The following SLC38A1 variants were observed in gnomAD, a reference collection of about 807,000 sequenced individuals.
The protein encoded by SLC38A1 is solute carrier family 38 member 1, also known as sodium-coupled neutral amino acid symporter 1.
In SLC38A1, 18 loss-of-function variants were observed where a neutral mutation model predicts 60.3. The observed-to-expected ratio is 0.30, with a 90% CI of 0.21 to 0.44. The LOEUF (loss-of-function observed/expected upper bound fraction) is 0.44, where lower values mean the gene tolerates loss of function less well. Among genes scored for constraint, SLC38A1 ranks in the 20% least tolerant of loss-of-function variants. The pLI, the probability that SLC38A1 is intolerant of heterozygous loss-of-function variation, is 1.00. For synonymous variants in SLC38A1, 196 were observed against 212.1 expected, an observed-to-expected ratio of 0.92 and a Z score of 0.66; for missense variants, 448 against 587.2, an observed-to-expected ratio of 0.76 and a Z score of 2.45.
rs1025520182 is a variant in SLC38A1 at position 46,198,552 on chromosome 12, C to T, written c.1122+73G>A. ...AGTTACCTGGGGCAGGCTTTCTCTG[C>T]AACGGGCTCCTGCAGGCAGAAGGAA... is the stretch of plus-strand genomic sequence containing the variant. On this transcript the variant is annotated intron_variant, in intron 14 of 16. Coordinates refer to ENST00000398637, the MANE Select transcript of SLC38A1 (RefSeq NM_030674.4). 4 of 1,015,032 alleles carry T rather than the reference C, an allele frequency of 3.9e-6. No individual in the cohort carries two copies. In the African/African-American group the frequency reaches 6.5e-5, roughly 17 times the overall value. 62.9% of individuals were successfully genotyped at this position (1,015,032 alleles called of 1,614,324 possible).
chr12:46,220,582 G>A (rs751064960), intron 5 of SLC38A1, among the ~76,000 whole-genome samples: 5 of 152,234 alleles, frequency 3.3e-5, no homozygotes, highest in Non-Finnish European at 7.3e-5. Flanking sequence ...ACTTAGGAAT[G>A]CACAGAGGAG....
At position 46,268,558 on chromosome 12, in the gene SLC38A1, G is replaced by C. The variant is rs888048908; in HGVS notation, c.-241C>G. The C allele has an allele frequency of 6.0e-6, 1 of 165,804 alleles. No individual in the cohort carries two copies. Among genetic ancestry groups the C allele is most frequent in the African/African-American group, 2.4e-5 (1 of 41,998 alleles). 10.3% of individuals were successfully genotyped at this position (165,804 alleles called of 1,614,324 possible). A position where few individuals can be genotyped will look rare whatever the true frequency, so the allele number is the denominator to read the frequency against. On this transcript the variant is annotated 5_prime_UTR_variant, in exon 1 of 17. The change creates a new upstream start codon in the 5' untranslated region. Coordinates refer to ENST00000398637, the MANE Select transcript of SLC38A1 (RefSeq NM_030674.4). This position sits in a 1 kb window ranked among gnomAD's most constrained non-coding sequence, Gnocchi z 4.4. ...AATAAAGGGAAAGGTGGCAAAAGGC[G>C]ATGTGGAGGTGTCCGCCCTTCCGGG...
At chr12:46,249,168 A>AG (rs1555191159) in intron 1 of SLC38A1, among the ~76,000 whole-genome samples, 1 of 126,442 alleles carries the variant, frequency 7.9e-6, no homozygotes. Context: ...AAAAAAAAAA[A>AG]AAAAAAAGAA....
intron 12 of SLC38A1, among the ~76,000 whole-genome samples, chr12:46,202,772 G>A (rs1301498918): frequency 6.6e-6 from 1 of 152,174 alleles, no homozygotes; most frequent in African/African-American, 2.4e-5. Flanking sequence ...AGCCCACATG[G>A]TTGGCTACTT....
rs1290623379 is a variant in SLC38A1 at position 46,185,737 on chromosome 12, C to T, written c.*3233G>A. ...AGCAGAGTTACCAGCTGAGGGATGT[C>T]CCTGGAGGTTTCTGACCCATGAGAG... On this transcript the variant is annotated 3_prime_UTR_variant, in exon 17 of 17. Coordinates refer to ENST00000398637, the MANE Select transcript of SLC38A1 (RefSeq NM_030674.4). 6.6e-6 allele frequency: 1 copy of T among 152,168 alleles called. No homozygotes were observed. Among genetic ancestry groups the T allele is most frequent in the Non-Finnish European group, 1.5e-5 (1 of 68,148 alleles). The allele number at this position is 152,168 out of a possible 1,614,324, so 9.4% of individuals were successfully genotyped here. A position where few individuals can be genotyped will look rare whatever the true frequency, so the allele number is the denominator to read the frequency against.
rs147062204 is a variant in SLC38A1, at chr12:46,223,198, T to G, written c.314+5955A>C. Among the ~76,000 whole-genome samples the G allele has an allele frequency of 2.6e-3, 389 of 152,320 alleles. 1 individual carries two copies. Among genetic ancestry groups the G allele is most frequent in the African/African-American group, 8.9e-3 (371 of 41,564 alleles). On this transcript the variant is annotated intron_variant, in intron 5 of 16. Transcript: ENST00000398637. ...AGCCTGGATGGGACGCTGGCTCCCC[T>G]ACTTTCTAATGTGTGATCACAGGTA...
At position 46,186,771 on chromosome 12, in the gene SLC38A1, T is replaced by A. The variant is rs1197392399; in HGVS notation, c.*2199A>T. 2 of 152,158 alleles carry A rather than the reference T, an allele frequency of 1.3e-5. No individual in the cohort carries two copies. The highest frequency in any genetic ancestry group is 4.8e-5 in the African/African-American group (2 of 41,434). 9.4% of individuals were successfully genotyped at this position (152,158 alleles called of 1,614,324 possible). On this transcript the variant is annotated 3_prime_UTR_variant, in exon 17 of 17. Transcript: ENST00000398637. ...AGAGGCCCAAAAATATCACTACACA[T>A]CCCAGTTAATGATAAGGTTCTAAAT...
intron 9 of SLC38A1, among the ~76,000 whole-genome samples, chr12:46,205,225 C>T (rs1215624182): frequency 6.6e-6 from 1 of 152,038 alleles, no homozygotes; most frequent in East Asian, 1.9e-4. Context: ...GAGCTTTTCT[C>T]TACTTAACTG....
At position 46,229,653 on chromosome 12, in the gene SLC38A1, C is replaced by T. The variant is rs766157424; in HGVS notation, c.123-14G>A. On this transcript the variant is annotated splice_polypyrimidine_tract_variant and intron_variant, in intron 3 of 16. Transcript: ENST00000398637. ...GAAATAAACTTGCTGTAAAGACATG[C>T]GTAATATATTTAACCTTATGATAAT... is the stretch of plus-strand genomic sequence containing the variant. 20 of 1,603,214 alleles carry T rather than the reference C, an allele frequency of 1.2e-5. No individual in the cohort carries two copies. Among genetic ancestry groups the T allele is most frequent in the South Asian group, 4.4e-5 (4 of 90,784 alleles).
At chr12:46,199,203 C>T (rs2137004425) in intron 13 of SLC38A1, among the ~76,000 whole-genome samples, 1 of 151,944 alleles carries the variant, frequency 6.6e-6, no homozygotes, top group Admixed American at 6.6e-5. Context: ...CTTCAAGTGG[C>T]CAAGCAGCAG....
intron 1 of SLC38A1, among the ~76,000 whole-genome samples, chr12:46,263,102 A>T (rs1001359847): frequency 6.6e-6 from 1 of 152,218 alleles, no homozygotes; most frequent in Non-Finnish European, 1.5e-5. Flanking sequence ...GGAGCTTTAA[A>T]AAAATAAAAG....
chr12:46,215,930 C>T (rs908780718), intron 5 of SLC38A1, among the ~76,000 whole-genome samples: 1 of 152,188 alleles, frequency 6.6e-6, no homozygotes, highest in Non-Finnish European at 1.5e-5. Flanking sequence ...ACAGCCCTCA[C>T]TCCAAAACTT....
At chr12:46,232,215 C>G (rs955269375) in intron 3 of SLC38A1, among the ~76,000 whole-genome samples, 2 of 152,210 alleles carry the variant, frequency 1.3e-5, no homozygotes, top group African/African-American at 4.8e-5. Context: ...AAACCTTGGT[C>G]TCTTGAAACA....
chr12:46,189,094 G>T, intron 16 of SLC38A1, 23 bp from the exon 17 acceptor site: 1 of 1,599,584 alleles, frequency 6.3e-7, no homozygotes. Context: ...AAAGGCAAGG[G>T]TTATTTTCAG....
intron 5 of SLC38A1, among the ~76,000 whole-genome samples, chr12:46,210,561 C>T (rs1189847218): frequency 6.6e-6 from 1 of 152,198 alleles, no homozygotes; most frequent in Non-Finnish European, 1.5e-5. Flanking sequence ...TGTGTCCCCA[C>T]CGAAATCTCA....
intron 5 of SLC38A1, among the ~76,000 whole-genome samples, chr12:46,225,877 G>A (rs1000365559): frequency 1.3e-5 from 2 of 152,116 alleles, no homozygotes; most frequent in Non-Finnish European, 2.9e-5. Context: ...TTACACAAAT[G>A]GCCCTGTTTC....
At chr12:46,211,908 A>C (rs1940188874) in intron 5 of SLC38A1, among the ~76,000 whole-genome samples, 1 of 151,646 alleles carries the variant, frequency 6.6e-6, no homozygotes, top group South Asian at 2.1e-4. Context: ...ATAAAGCAAA[A>C]CCCCCTTTTC....
At chr12:46,260,817 A>G (rs1308385858) in intron 1 of SLC38A1, among the ~76,000 whole-genome samples, 1 of 152,006 alleles carries the variant, frequency 6.6e-6, no homozygotes, top group Non-Finnish European at 1.5e-5. Context: ...TTACAGTTTC[A>G]CAGCCTGAAC....
intron 9 of SLC38A1, among the ~76,000 whole-genome samples, chr12:46,204,937 C>T (rs1298762768): frequency 6.6e-6 from 1 of 152,192 alleles, no homozygotes; most frequent in Non-Finnish European, 1.5e-5. Context: ...TGTTGGTGGA[C>T]CCTGATGGAG....
Sources: gnomAD v4.1 joint callset for allele counts (sites outside exome capture counted in the v4.1 genomes callset) on GRCh38, gnomAD v4.1.1 for gene constraint, Gnocchi (gnomAD v3.1) non-coding constraint, MANE v1.5 for transcripts, NCBI Gene and HGNC (gene_info 2026-07-23, HGNC 2026-07-21) for gene names.